TCF7L2: variants seen among roughly 807,000 people sequenced by gnomAD.
The protein encoded by TCF7L2 is transcription factor 7 like 2, also known as transcription factor 7-like 2.
TCF7L2 carries 23 observed loss-of-function variants against 77.9 expected under a neutral mutation model. That is an observed-to-expected ratio of 0.30 (90% CI 0.21 to 0.42). The LOEUF (loss-of-function observed/expected upper bound fraction) is 0.42, where lower values mean the gene tolerates loss of function less well. Ranked by LOEUF, TCF7L2 falls within the 10% of genes least tolerant of loss-of-function variation. The pLI is 1.00. For missense variants in TCF7L2, 654 were observed against 793.1 expected, an observed-to-expected ratio of 0.82 and a Z score of 2.11; for synonymous variants, 413 against 340.2, an observed-to-expected ratio of 1.21 and a Z score of -2.36.
intron 4 of TCF7L2, among the ~76,000 whole-genome samples, chr10:113,039,604 ATT>A (rs1198567626): frequency 2.0e-5 from 3 of 152,194 alleles, no homozygotes; most frequent in Non-Finnish European, 4.4e-5. Flanking sequence ...AAAGGAGCAG[ATT>A]TGGAATTGAT....
chr10:113,139,250 G>A (rs570446857), intron 5 of TCF7L2, among the ~76,000 whole-genome samples: 50 of 152,254 alleles, frequency 3.3e-4, no homozygotes, highest in African/African-American at 6.3e-4. Context: ...CACTTTGTCC[G>A]TGTCTGTCTC....
rs777751857 is a variant in TCF7L2, at chr10:113,145,963, AC to A, written c.789-43del. 46 of 486,662 alleles carry A rather than the reference AC, an allele frequency of 9.5e-5. 3 individuals carry two copies. Among genetic ancestry groups the A allele is most frequent in the Middle Eastern group, 3.2e-4 (1 of 3,162 alleles). 30.1% of individuals were successfully genotyped at this position (486,662 alleles called of 1,614,324 possible). ...CCCTTTTCTTCTTTTTCTTGTCCCC[AC>A]CCCCACCCTTGTTTCAAGTCTCTTA... On this transcript the variant is annotated intron_variant, in intron 7 of 13. Coordinates refer to ENST00000627217, the MANE Select transcript of TCF7L2 (RefSeq NM_001146274.2).
chr10:113,144,820 G>A (rs1340268581), intron 7 of TCF7L2, among the ~76,000 whole-genome samples: 1 of 152,136 alleles, frequency 6.6e-6, no homozygotes, highest in African/African-American at 2.4e-5. Flanking sequence ...AGAGTAGAAA[G>A]GCCTTTGATG....
intron 5 of TCF7L2, among the ~76,000 whole-genome samples, chr10:113,114,898 G>C (rs4396218): frequency 0.05 from 7,538 of 152,164 alleles, 639 homozygotes; most frequent in African/African-American, 0.17. Context: ...CAATTCAATA[G>C]CGTATTGAAA....
rs2137658866 is a variant in TCF7L2 at position 113,165,987 on chromosome 10, A to G, written c.*15A>G. 5 of 1,472,428 alleles carry G rather than the reference A, an allele frequency of 3.4e-6. No individual in the cohort carries two copies. The South Asian group carries it at 7.6e-5, about 23-fold the overall frequency. 91.2% of individuals were successfully genotyped at this position (1,472,428 alleles called of 1,614,324 possible). ...CTTTAGAATAGCTTTAGCGTCGTGA[A>G]CCCCGCTGCTTTGTTTATGGTTTTG... On this transcript the variant is annotated 3_prime_UTR_variant, in exon 14 of 14. Transcript: ENST00000627217.
chr10:113,131,898 C>CAGAGGGAGCAGCAATTAA (rs2066659844), intron 5 of TCF7L2: 1 of 152,232 alleles, frequency 6.6e-6, no homozygotes, highest in Non-Finnish European at 1.5e-5. Context: ...TTGCCTGGGT[C>CAGAGGGAGCAGCAATTAA]ACTCCCTCGT....
chr10:113,019,490 T>G (rs1237162447), intron 4 of TCF7L2, among the ~76,000 whole-genome samples: 1 of 152,208 alleles, frequency 6.6e-6, no homozygotes, highest in Non-Finnish European at 1.5e-5. Context: ...CAGACATAAT[T>G]GAACCGTTGG....
intron 4 of TCF7L2, among the ~76,000 whole-genome samples, chr10:113,002,645 G>A (rs1458567650): frequency 6.6e-6 from 1 of 152,096 alleles, no homozygotes; most frequent in African/African-American, 2.4e-5. Context: ...TCCTGGTGTT[G>A]GTTGATGGGA....
rs373536721 is a variant in TCF7L2, at chr10:112,951,217, G to A, written c.200G>A (p.Arg67Gln). 1.9e-6 allele frequency: 3 copies of A among 1,583,834 alleles called. No homozygotes were observed. The highest frequency in any genetic ancestry group is 1.1e-5 in the South Asian group (1 of 88,032). ...CACCCCTCTGGGAAGGCGGAAAGAC[G>A]GCCTCCGCCTCGCTCCGAAAGTTTC... Residue 67 changes from arginine to glutamine, a missense_variant, in exon 2 of 14, where the codon CGG (arginine) becomes CAG (glutamine). Coordinates refer to ENST00000627217, the MANE Select transcript of TCF7L2 (RefSeq NM_001146274.2).
chr10:112,992,850 GC>G (rs1564756214), intron 4 of TCF7L2, among the ~76,000 whole-genome samples: 1 of 150,894 alleles, frequency 6.6e-6, no homozygotes, highest in African/African-American at 2.4e-5. Flanking sequence ...TGCAACCTCC[GC>G]CCTCCGAGTT....
chr10:113,068,885 G>A (rs534618658), intron 5 of TCF7L2, among the ~76,000 whole-genome samples: 8 of 151,004 alleles, frequency 5.3e-5, no homozygotes, highest in African/African-American at 1.2e-4. Flanking sequence ...TCCCTTTACC[G>A]TTGGCTCCCA....
chr10:112,973,272 G>A (rs1033685605), intron 4 of TCF7L2, among the ~76,000 whole-genome samples: 2 of 152,168 alleles, frequency 1.3e-5, no homozygotes, highest in African/African-American at 2.4e-5. Context: ...CTTCTCTGGG[G>A]ATAGCTCTTG....
At chr10:113,161,102 T>TA (rs1465817583) in intron 13 of TCF7L2, 6 of 238,962 alleles carry the variant, frequency 2.5e-5, no homozygotes, top group Non-Finnish European at 4.0e-5. Context: ...CCCGTGCACT[T>TA]AGAGTCGAGA....
chr10:113,053,747 C>A (rs1002197284), intron 5 of TCF7L2, among the ~76,000 whole-genome samples: 4 of 152,208 alleles, frequency 2.6e-5, no homozygotes, highest in African/African-American at 9.7e-5. Flanking sequence ...ACTGAGCACT[C>A]ACTAGCTCCA....
At position 113,166,518 on chromosome 10, in the gene TCF7L2, A is replaced by T. The variant is rs971159671; in HGVS notation, c.*546A>T. 9.1e-6 allele frequency: 2 copies of T among 219,224 alleles called. No homozygotes were observed. Among genetic ancestry groups the T allele is most frequent in the Non-Finnish European group, 1.8e-5 (2 of 109,900 alleles). 13.6% of individuals were successfully genotyped at this position (219,224 alleles called of 1,614,324 possible). ...GTTACTTGTTATTGTTTAAATGTACAGAAACAAAGGGTAAAAATGTGTTAA... is the reference window on the plus strand; with the variant it reads ...GTTACTTGTTATTGTTTAAATGTACTGAAACAAAGGGTAAAAATGTGTTAA... On this transcript the variant is annotated 3_prime_UTR_variant, in exon 14 of 14. Transcript: ENST00000627217.
chr10:113,073,129 T>TGTGTGTGTGTGTGTGA (rs56927661), intron 5 of TCF7L2, among the ~76,000 whole-genome samples: 1,941 of 123,396 alleles, frequency 0.016, 49 homozygotes, highest in African/African-American at 0.042. Flanking sequence ...TGTGTGTGTG[T>TGTGTGTGTGTGTGTGA]GAGAGAGAGA....
At chr10:113,159,966 A>G (rs139224970) in intron 12 of TCF7L2, 198 of 1,612,806 alleles carry the variant, frequency 1.2e-4, no homozygotes, top group Non-Finnish European at 1.6e-4. Context: ...GCCTTGATCA[A>G]CAGAATAACT....
intron 7 of TCF7L2, among the ~76,000 whole-genome samples, chr10:113,145,276 C>A (rs2069151251): frequency 6.6e-6 from 1 of 152,048 alleles, no homozygotes; most frequent in Non-Finnish European, 1.5e-5. Flanking sequence ...ATGGGGCCAA[C>A]CCTCGAATAG....
At chr10:113,015,544 C>T (rs1277493487) in intron 4 of TCF7L2, among the ~76,000 whole-genome samples, 1 of 150,922 alleles carries the variant, frequency 6.6e-6, no homozygotes, top group African/African-American at 2.4e-5. Flanking sequence ...GCTCACTGCA[C>T]TGCAGCCTCA....
Sources: allele counts gnomAD v4.1 joint callset (sites outside exome capture counted in the v4.1 genomes callset), GRCh38; gene constraint gnomAD v4.1.1; transcripts MANE v1.5; gene names NCBI Gene and HGNC (gene_info 2026-07-23, HGNC 2026-07-21).